The following ATRNL1 variants were observed in gnomAD, a reference collection of about 807,000 sequenced individuals.
ATRNL1 encodes attractin-like protein 1.
In ATRNL1, 95 loss-of-function variants were observed where a neutral mutation model predicts 182.7. The observed-to-expected ratio is 0.52, with a 90% CI of 0.44 to 0.62. ATRNL1 has a LOEUF of 0.62. Among genes scored for constraint, ATRNL1 ranks in the 20% least tolerant of loss-of-function variants. ATRNL1 has a pLI of 0.00. For missense variants in ATRNL1, 1,471 were observed against 1,679.5 expected, an observed-to-expected ratio of 0.88 and a Z score of 2.17; for synonymous variants, 576 against 568.3, an observed-to-expected ratio of 1.01 and a Z score of -0.19.
At chr10:115,398,672 T>C (rs1844407097) in intron 20 of ATRNL1, among the ~76,000 whole-genome samples, 8 of 152,054 alleles carry the variant, frequency 5.3e-5, no homozygotes, top group Admixed American at 5.2e-4. Context: ...TTGACTTCCC[T>C]TCTTTTTATT....
chr10:115,403,837 A>G (rs1554957589), intron 20 of ATRNL1, among the ~76,000 whole-genome samples: 1 of 152,202 alleles, frequency 6.6e-6, no homozygotes, highest in Admixed American at 6.5e-5. Flanking sequence ...TTTCTTTGTG[A>G]TAATGAGTTA....
intron 26 of ATRNL1, among the ~76,000 whole-genome samples, chr10:115,701,561 T>G (rs1203725642): frequency 6.6e-6 from 1 of 151,926 alleles, no homozygotes; most frequent in Admixed American, 6.6e-5. Flanking sequence ...CTAGGTAGAT[T>G]AGCAAACAAA....
chr10:115,345,402 C>G (rs782742381), intron 19 of ATRNL1, among the ~76,000 whole-genome samples: 10 of 152,178 alleles, frequency 6.6e-5, no homozygotes, highest in African/African-American at 1.9e-4. Context: ...AGTTCAGTCC[C>G]TCACGATTAT....
chr10:115,406,187 T>C (rs1484940999), intron 20 of ATRNL1, among the ~76,000 whole-genome samples: 4 of 152,176 alleles, frequency 2.6e-5, no homozygotes, highest in African/African-American at 7.2e-5. Context: ...GCATGATTTA[T>C]AATCCTTTGG....
intron 1 of ATRNL1, among the ~76,000 whole-genome samples, chr10:115,112,465 G>C (rs1254321557): frequency 6.6e-6 from 1 of 152,138 alleles, no homozygotes; most frequent in Non-Finnish European, 1.5e-5. Context: ...ATACCAAATT[G>C]TTATAACAAG....
rs74160703 is a variant in ATRNL1, at chr10:115,831,424, T to G, written c.3904-16453T>G. Among the ~76,000 whole-genome samples, 1,387 of 152,190 alleles carry G rather than the reference T, an allele frequency of 9.1e-3. 22 individuals are homozygous for G. Among genetic ancestry groups the G allele is most frequent in the African/African-American group, 0.031 (1,301 of 41,514 alleles). On this transcript the variant is annotated intron_variant, in intron 27 of 28. Transcript: ENST00000355044. ...GATTTTATTTGTCATAGTTCCTTAA[T>G]AAAGAGGAATGAGCATCTCATAGAT... is the stretch of plus-strand genomic sequence containing the variant.
At chr10:115,532,314 G>A (rs1851644814) in intron 25 of ATRNL1, among the ~76,000 whole-genome samples, 1 of 152,092 alleles carries the variant, frequency 6.6e-6, no homozygotes. Context: ...TCGAGTGCTG[G>A]TTTGTAGTTC....
At chr10:115,941,186 G>A (rs1360726829) in intron 28 of ATRNL1, among the ~76,000 whole-genome samples, 1 of 152,154 alleles carries the variant, frequency 6.6e-6, no homozygotes, top group African/African-American at 2.4e-5. Context: ...TGAAAATGCA[G>A]TTGATTGTTA....
At chr10:115,106,557 A>T (rs1271040496) in intron 1 of ATRNL1, among the ~76,000 whole-genome samples, 2 of 152,010 alleles carry the variant, frequency 1.3e-5, no homozygotes, top group Non-Finnish European at 2.9e-5. Flanking sequence ...GAATTTTTTG[A>T]TGTGTTATGT....
intron 5 of ATRNL1, among the ~76,000 whole-genome samples, chr10:115,132,121 C>T (rs917365142): frequency 6.6e-6 from 1 of 151,228 alleles, no homozygotes; most frequent in Non-Finnish European, 1.5e-5. Flanking sequence ...GGATGTTCCC[C>T]TTCCTGTGTC....
At chr10:115,484,134 T>C (rs139744757) in intron 24 of ATRNL1, among the ~76,000 whole-genome samples, 207 of 147,952 alleles carry the variant, frequency 1.4e-3, no homozygotes, top group African/African-American at 4.8e-3. Flanking sequence ...TTTTTTTCAG[T>C]AAATGTCAAA....
At chr10:115,551,801 T>G (rs1422039381) in intron 26 of ATRNL1, among the ~76,000 whole-genome samples, 1 of 151,496 alleles carries the variant, frequency 6.6e-6, no homozygotes, top group East Asian at 1.9e-4. Context: ...GTAATTTTAA[T>G]ATTACAATTG....
intron 26 of ATRNL1, among the ~76,000 whole-genome samples, chr10:115,613,035 TTC>T (rs1450780005): frequency 6.6e-6 from 1 of 152,232 alleles, no homozygotes; most frequent in Non-Finnish European, 1.5e-5. Flanking sequence ...GGTCAGCAAA[TTC>T]TGAGTCAGTT....
chr10:115,282,793 G>GTT (rs35849374), intron 14 of ATRNL1, among the ~76,000 whole-genome samples: 3 of 145,214 alleles, frequency 2.1e-5, no homozygotes, highest in Non-Finnish European at 4.5e-5. Context: ...TTTATCCCAG[G>GTT]TTTTTTTTTT....
intron 28 of ATRNL1, among the ~76,000 whole-genome samples, chr10:115,943,247 GA>G (rs1195219076): frequency 6.6e-6 from 1 of 151,950 alleles, no homozygotes; most frequent in East Asian, 1.9e-4. Context: ...CATAGACTGG[GA>G]AAAAAATATT....
At chr10:115,596,644 C>T (rs1856260949) in intron 26 of ATRNL1, among the ~76,000 whole-genome samples, 1 of 152,138 alleles carries the variant, frequency 6.6e-6, no homozygotes, top group South Asian at 2.1e-4. Flanking sequence ...TTAGTTGGAA[C>T]TGGCTAAAAG....
chr10:115,235,493 T>C (rs1045880876), intron 9 of ATRNL1, among the ~76,000 whole-genome samples: 6 of 152,162 alleles, frequency 3.9e-5, no homozygotes, highest in Admixed American at 2.6e-4. Flanking sequence ...CATGGCCTCC[T>C]GTGTGTGGCT....
At chr10:115,576,673 A>T (rs1162456331) in intron 26 of ATRNL1, among the ~76,000 whole-genome samples, 1 of 152,032 alleles carries the variant, frequency 6.6e-6, no homozygotes, top group Non-Finnish European at 1.5e-5. Context: ...GTTTTCTCCC[A>T]ATCCATTAAC....
intron 19 of ATRNL1, among the ~76,000 whole-genome samples, chr10:115,379,713 T>C (rs1484551492): frequency 6.6e-6 from 1 of 152,252 alleles, no homozygotes; most frequent in Admixed American, 6.5e-5. Flanking sequence ...CCTGCAGCTC[T>C]CTGCCTTGTG....
Sources: gnomAD v4.1 joint callset for allele counts (sites outside exome capture counted in the v4.1 genomes callset) on GRCh38, gnomAD v4.1.1 for gene constraint, MANE v1.5 for transcripts, NCBI Gene and HGNC (gene_info 2026-07-23, HGNC 2026-07-21) for gene names.